The following GRAMD2B variants were observed in gnomAD, a reference collection of about 807,000 sequenced individuals.
The protein encoded by GRAMD2B is GRAM domain containing 2B, also known as GRAM domain-containing protein 2B.
Under a neutral mutation model 59.2 loss-of-function variants are expected in GRAMD2B, and 41 were observed. That is an observed-to-expected ratio of 0.69 (90% CI 0.54 to 0.90). The LOEUF (loss-of-function observed/expected upper bound fraction) is 0.90, where lower values mean the gene tolerates loss of function less well. Ranked by LOEUF, GRAMD2B falls within the 40% of genes least tolerant of loss-of-function variation. The probability of loss-of-function intolerance (pLI) is 0.00; values close to 1 mark genes in which losing one functional copy is unlikely to be tolerated. For missense variants in GRAMD2B, 424 were observed against 500.5 expected, an observed-to-expected ratio of 0.85 and a Z score of 1.46; for synonymous variants, 161 against 182.7, an observed-to-expected ratio of 0.88 and a Z score of 0.96.
chr5:126,382,020 C>A (rs955901158), intron 1 of GRAMD2B, among the ~76,000 whole-genome samples: 1 of 152,038 alleles, frequency 6.6e-6, no homozygotes, highest in Admixed American at 6.6e-5. Context: ...AAAGATAGGA[C>A]TCCCTTCTAC....
chr5:126,383,789 G>A (rs1447762506), intron 1 of GRAMD2B, among the ~76,000 whole-genome samples: 2 of 152,036 alleles, frequency 1.3e-5, no homozygotes, highest in Non-Finnish European at 2.9e-5. Context: ...ACCCACTTTC[G>A]AGGGTCATTT....
intron 8 of GRAMD2B, among the ~76,000 whole-genome samples, chr5:126,482,154 G>C (rs1226416962): frequency 6.6e-6 from 1 of 152,138 alleles, no homozygotes; most frequent in Non-Finnish European, 1.5e-5. Flanking sequence ...TCAACTAGTG[G>C]TTGCCAGAGA....
intron 1 of GRAMD2B, among the ~76,000 whole-genome samples, chr5:126,382,743 T>C (rs2149706549): frequency 6.6e-6 from 1 of 152,312 alleles, no homozygotes; most frequent in African/African-American, 2.4e-5. Context: ...GCTAATATGA[T>C]CTTTTGGGGG....
At chr5:126,389,071 A>T (rs1756461129) in intron 1 of GRAMD2B, among the ~76,000 whole-genome samples, 1 of 152,174 alleles carries the variant, frequency 6.6e-6, no homozygotes, top group Non-Finnish European at 1.5e-5. Context: ...TTGCATGGAG[A>T]AGTAGCATAG....
chr5:126,460,872 T>G (rs1430859260), intron 1 of GRAMD2B, among the ~76,000 whole-genome samples: 3 of 152,228 alleles, frequency 2.0e-5, no homozygotes, highest in Non-Finnish European at 4.4e-5. Context: ...TGATGAAACA[T>G]ATCCTATCTT....
intron 1 of GRAMD2B, among the ~76,000 whole-genome samples, chr5:126,452,125 T>A (rs1765486972): frequency 6.6e-6 from 1 of 152,198 alleles, no homozygotes; most frequent in African/African-American, 2.4e-5. Flanking sequence ...TGGACTGACA[T>A]TCTTGTAAAC....
chr5:126,446,555 T>G (rs1764267009), intron 1 of GRAMD2B, among the ~76,000 whole-genome samples: 1 of 151,814 alleles, frequency 6.6e-6, no homozygotes, highest in Non-Finnish European at 1.5e-5. Context: ...CTGCTTCTCT[T>G]ATCTACAATG....
intron 1 of GRAMD2B, among the ~76,000 whole-genome samples, chr5:126,381,847 C>G (rs56821257): frequency 6.6e-6 from 1 of 152,044 alleles, no homozygotes; most frequent in East Asian, 1.9e-4. Flanking sequence ...ATTTGTTTCA[C>G]GATTTAGAGC....
At chr5:126,456,485 A>G (rs896396481) in intron 1 of GRAMD2B, among the ~76,000 whole-genome samples, 5 of 152,150 alleles carry the variant, frequency 3.3e-5, no homozygotes, top group Admixed American at 1.3e-4. Flanking sequence ...GTGCTGGATT[A>G]CAGGAGTGAG....
rs569102869 is a variant in GRAMD2B, at chr5:126,375,964, T to A, written c.125+4397T>A. Among the ~76,000 whole-genome samples the A allele has an allele frequency of 3.3e-5, 5 of 152,316 alleles. No individual in the cohort carries two copies. In the East Asian group the frequency reaches 9.7e-4, roughly 29 times the overall value. ...CCTCAAAATTCAAAATTTGCAGAAA[T>A]CATCGTTTCTCAAAATATACAGAAC... On this transcript the variant is annotated intron_variant, in intron 1 of 8. Coordinates refer to the GRAMD2B transcript ENST00000506445.
intron 1 of GRAMD2B, among the ~76,000 whole-genome samples, chr5:126,432,293 T>C (rs1013618522): frequency 6.6e-6 from 1 of 152,250 alleles, no homozygotes; most frequent in Non-Finnish European, 1.5e-5. Flanking sequence ...ATATCAGGTG[T>C]ATGATTATAC....
intron 1 of GRAMD2B, among the ~76,000 whole-genome samples, chr5:126,445,858 G>A (rs934707434): frequency 1.3e-5 from 2 of 152,190 alleles, no homozygotes; most frequent in African/African-American, 4.8e-5. Flanking sequence ...ATTGGGGAAT[G>A]GCATTTCCAT....
At position 126,480,617 on chromosome 5, in the gene GRAMD2B, A is replaced by G. The variant is rs1302393703; in HGVS notation, c.655-10A>G. 6 of 1,613,782 alleles carry G rather than the reference A, an allele frequency of 3.7e-6. No homozygotes were observed. Among genetic ancestry groups the G allele is most frequent in the East Asian group, 2.2e-5 (1 of 44,874 alleles). ...TAATCTGGCTTTTCGTTTTGTTCCAATAATTTCAGAATACAAGTGTTGGTA... is the reference window on the plus strand; with the variant it reads ...TAATCTGGCTTTTCGTTTTGTTCCAGTAATTTCAGAATACAAGTGTTGGTA... On this transcript the variant is annotated splice_polypyrimidine_tract_variant and intron_variant, in intron 7 of 13. Transcript: ENST00000285689.
chr5:126,394,686 A>G (rs1296353924), intron 1 of GRAMD2B, among the ~76,000 whole-genome samples: 1 of 152,236 alleles, frequency 6.6e-6, no homozygotes, highest in African/African-American at 2.4e-5. Flanking sequence ...TGAAATAGTC[A>G]GGGTTCCTGC....
At chr5:126,468,742 C>T (rs2126808772) in intron 2 of GRAMD2B, among the ~76,000 whole-genome samples, 1 of 152,286 alleles carries the variant, frequency 6.6e-6, no homozygotes, top group South Asian at 2.1e-4. Flanking sequence ...CCCACCTTGA[C>T]CTCCCAAAGT....
At chr5:126,379,505 G>C (rs1048758512) in intron 1 of GRAMD2B, among the ~76,000 whole-genome samples, 24 of 152,064 alleles carry the variant, frequency 1.6e-4, no homozygotes, top group Admixed American at 1.5e-3. Flanking sequence ...TGGTGGTACT[G>C]ATTTCCATTC....
intron 1 of GRAMD2B, among the ~76,000 whole-genome samples, chr5:126,390,769 G>A (rs770243649): frequency 2.6e-5 from 4 of 152,136 alleles, no homozygotes; most frequent in Non-Finnish European, 5.9e-5. Context: ...GATGTCTTCT[G>A]TGTGCCAGAC....
At chr5:126,439,147 G>A (rs957579681) in intron 1 of GRAMD2B, among the ~76,000 whole-genome samples, 1 of 151,966 alleles carries the variant, frequency 6.6e-6, no homozygotes, top group Non-Finnish European at 1.5e-5. Context: ...GATTCCATGT[G>A]GCAAAGTCCT....
chr5:126,479,178 A>G (rs1032917253), intron 6 of GRAMD2B, among the ~76,000 whole-genome samples: 3 of 152,086 alleles, frequency 2.0e-5, no homozygotes, highest in African/African-American at 7.2e-5. Context: ...CATTCTATAG[A>G]TTTCATTTCT....
Sources: gnomAD v4.1 joint callset for allele counts (sites outside exome capture counted in the v4.1 genomes callset) on GRCh38, gnomAD v4.1.1 for gene constraint, MANE v1.5 for transcripts, NCBI Gene and HGNC (gene_info 2026-07-23, HGNC 2026-07-21) for gene names.